The following DYNC2I1 variants were observed in gnomAD, a reference collection of about 807,000 sequenced individuals.
DYNC2I1 encodes the protein dynein 2 intermediate chain 1.
Under a neutral mutation model 133.4 loss-of-function variants are expected in DYNC2I1, and 89 were observed. The ratio of observed to expected loss-of-function variants is 0.67; its 90% CI spans 0.56 to 0.80. The LOEUF (loss-of-function observed/expected upper bound fraction) is 0.80. Among genes scored for constraint, DYNC2I1 ranks in the 30% least tolerant of loss-of-function variants. The probability of loss-of-function intolerance (pLI) is 0.00; values close to 1 mark genes in which losing one functional copy is unlikely to be tolerated. For synonymous variants in DYNC2I1, 504 were observed against 484.3 expected (o/e 1.04, Z -0.54); for missense variants, 1,291 against 1,314.5 (o/e 0.98, Z 0.28).
At chr7:158,918,362 CCACT>C (rs1203902740) in intron 14 of DYNC2I1, among the ~76,000 whole-genome samples, 32 of 152,280 alleles carry the variant, frequency 2.1e-4, no homozygotes, top group Admixed American at 9.8e-4. Context: ...CAGTGTTTTA[CCACT>C]CACTCTGGCT....
chr7:158,849,424 G>T, the DYNC2I1 span, among the ~76,000 whole-genome samples: 17 of 152,152 alleles, frequency 1.1e-4, no homozygotes, highest in African/African-American at 3.9e-4. Flanking sequence ...TTCATTTTCT[G>T]GCTGGAAACC....
At chr7:158,858,768 T>G (rs1384929869) in intron 1 of DYNC2I1, among the ~76,000 whole-genome samples, 1 of 151,420 alleles carries the variant, frequency 6.6e-6, no homozygotes, top group Non-Finnish European at 1.5e-5. Flanking sequence ...TCTCCCTCTT[T>G]TTTGAAATCT....
intron 11 of DYNC2I1, 53 bp downstream of exon 11, chr7:158,906,144 T>A: frequency 6.7e-7 from 1 of 1,481,500 alleles, no homozygotes; most frequent in Non-Finnish European, 9.3e-7. Context: ...GCTTAACTTT[T>A]CTTTCACATA....
Position 158,873,001 on chromosome 7 carries a change from C to T in DYNC2I1, c.490+1439C>T, listed in dbSNP as rs1353392809. Among the ~76,000 whole-genome samples the T allele has an allele frequency of 4.0e-5, 6 of 151,244 alleles. No individual in the cohort carries two copies. The East Asian group carries it at 1.2e-3, about 29-fold the overall frequency. ...GCGAGACTCTGTCTAAAAAAAAAAA[C>T]CCAAAAAACACAACCATATTTTAGA... On this transcript the variant is annotated intron_variant, in intron 3 of 24. Transcript: ENST00000407559.
intron 4 of DYNC2I1, among the ~76,000 whole-genome samples, chr7:158,956,407 C>T (rs1852201172): frequency 6.6e-6 from 1 of 152,224 alleles, no homozygotes; most frequent in Non-Finnish European, 1.5e-5. Context: ...ACCACGTCCA[C>T]AGTTAAAGCG....
intron 7 of DYNC2I1, 75 bp from the exon 8 acceptor site, chr7:158,891,190 G>A (rs12674435): frequency 9.3e-6 from 14 of 1,509,520 alleles, no homozygotes; most frequent in Middle Eastern, 1.9e-4. Flanking sequence ...GTGGTGGGGT[G>A]GGGGGGAGCT....
At chr7:158,920,809 A>T (rs571801016) in intron 15 of DYNC2I1, among the ~76,000 whole-genome samples, 65 of 152,328 alleles carry the variant, frequency 4.3e-4, no homozygotes, top group African/African-American at 1.4e-3. Context: ...AATTTGACTC[A>T]CATTAGATTC....
chr7:158,851,143 G>C, the DYNC2I1 span, among the ~76,000 whole-genome samples: 1 of 152,106 alleles, frequency 6.6e-6, no homozygotes, highest in African/African-American at 2.4e-5. Flanking sequence ...GTGATTTTAT[G>C]ATAATATAGT....
At chr7:158,928,439 C>CA (rs2129487257) in intron 20 of DYNC2I1, among the ~76,000 whole-genome samples, 1 of 152,254 alleles carries the variant, frequency 6.6e-6, no homozygotes, top group East Asian at 1.9e-4. Context: ...GGGAAGAGGC[C>CA]ACTTTGGCCC....
downstream of DYNC2I1, among the ~76,000 whole-genome samples, chr7:158,946,724 G>T (rs557463762): frequency 1.3e-5 from 2 of 152,328 alleles, no homozygotes; most frequent in Admixed American, 1.3e-4. Flanking sequence ...GAGTTCTGGG[G>T]TGAGGACAGG....
chr7:158,899,541 G>A (rs958297293), intron 8 of DYNC2I1, among the ~76,000 whole-genome samples: 9 of 151,802 alleles, frequency 5.9e-5, no homozygotes, highest in African/African-American at 2.2e-4. Context: ...TTCTGATAAC[G>A]GTTTGGCTGT....
intron 23 of DYNC2I1, 49 bp from the exon 24 acceptor site, chr7:158,941,876 C>A: frequency 1.3e-6 from 2 of 1,547,840 alleles, no homozygotes; most frequent in South Asian, 1.2e-5. Flanking sequence ...GACCCTGTCT[C>A]AAAAAGAAAA....
At chr7:158,846,092 T>A in the DYNC2I1 span, among the ~76,000 whole-genome samples, 8,126 of 152,128 alleles carry the variant, frequency 0.053, 652 homozygotes, top group African/African-American at 0.18. Context: ...AAACCCCATC[T>A]GTACAAAAAT....
intron 14 of DYNC2I1, among the ~76,000 whole-genome samples, chr7:158,915,851 A>G (rs113299654): frequency 0.086 from 10,099 of 116,762 alleles, 224 homozygotes; most frequent in East Asian, 0.3. Context: ...ACGCTGGTTG[A>G]CATTAAGGAT....
intron 7 of DYNC2I1, among the ~76,000 whole-genome samples, chr7:158,887,989 T>G (rs1293250926): frequency 6.6e-6 from 1 of 151,188 alleles, no homozygotes; most frequent in Non-Finnish European, 1.5e-5. Flanking sequence ...TAGCACACTG[T>G]GGAGTTAGGG....
downstream of DYNC2I1, among the ~76,000 whole-genome samples, chr7:158,956,925 G>T (rs1189623317): frequency 6.6e-6 from 1 of 152,198 alleles, no homozygotes; most frequent in Non-Finnish European, 1.5e-5. Context: ...GGACCAGGAT[G>T]GGCACGGGCA....
In DYNC2I1 at chr7:158,891,314, C is replaced by T. The variant is rs73529717; in HGVS notation, c.1040C>T (p.Pro347Leu). ...GTGTGGTGGAAGCTGGACCAGAGGC[C>T]GGGAGGCGAGGAAACCGTGGTAAGG... is the stretch of plus-strand genomic sequence containing the variant. ...SSVWWKLDQR[P>L]GGEETVEIEK... Residue 347 changes from proline (P) to leucine (L), a missense_variant, in exon 8 of 25, where the codon CCG (proline) becomes CTG (leucine). Coordinates refer to ENST00000407559, the MANE Select transcript of DYNC2I1 (RefSeq NM_018051.5). 1,057 of 1,613,984 alleles carry T rather than the reference C, an allele frequency of 6.5e-4. 2 individuals are homozygous for T. In the African/African-American group the frequency reaches 9.2e-3, roughly 14 times the overall value.
At chr7:158,886,280 C>T (rs568583430) in intron 6 of DYNC2I1, among the ~76,000 whole-genome samples, 15 of 151,968 alleles carry the variant, frequency 9.9e-5, no homozygotes, top group East Asian at 3.9e-4. Context: ...TACAGGCACA[C>T]GCCACCACGC....
Position 158,918,849 on chromosome 7 carries a change from C to G in DYNC2I1, c.1901C>G (p.Thr634Ser). ...AGTGACAGCTCATCTCAGCTGAACA[C>G]CAGTCTACCATTCCTTCAAAGTAAG... ...YFSDSSSQLN[T>S]SLPFLQNRKV... is the part of the protein sequence containing the mutation. The change falls in exon 15 of 25, where the codon ACC becomes AGC. Residue 634 changes from threonine to serine, a missense_variant. Coordinates refer to ENST00000407559, the MANE Select transcript of DYNC2I1 (RefSeq NM_018051.5). The G allele has an allele frequency of 1.2e-6, 2 of 1,613,564 alleles. No individual in the cohort carries two copies. The highest frequency in any genetic ancestry group is 1.1e-5 in the South Asian group (1 of 91,058).
Sources: gnomAD v4.1 joint callset for allele counts (sites outside exome capture counted in the v4.1 genomes callset) on GRCh38, gnomAD v4.1.1 for gene constraint, MANE v1.5 for transcripts, NCBI Gene and HGNC (gene_info 2026-07-23, HGNC 2026-07-21) for gene names.